UBAP2: variants seen among roughly 807,000 people sequenced by gnomAD.
UBAP2 encodes ubiquitin associated protein 2.
In UBAP2, 75 loss-of-function variants were observed where a neutral mutation model predicts 139.6. The observed-to-expected ratio is 0.54, with a 90% CI of 0.45 to 0.65. The LOEUF is 0.65. UBAP2 is among the 30% of genes least tolerant of loss of function. The probability of loss-of-function intolerance (pLI) is 0.00; values close to 1 mark genes in which losing one functional copy is unlikely to be tolerated. For missense variants in UBAP2, 1,368 were observed against 1,369.6 expected (o/e 1.00, Z 0.02); for synonymous variants, 526 against 526.2 (o/e 1.00, Z 0.01).
chr9:33,979,612 G>A (rs1412339501), intron 6 of UBAP2, among the ~76,000 whole-genome samples: 2 of 152,042 alleles, frequency 1.3e-5, no homozygotes, highest in African/African-American at 4.8e-5. Flanking sequence ...GCCAGGTGCG[G>A]TGGCTCATGC....
intron 4 of UBAP2, among the ~76,000 whole-genome samples, chr9:33,990,054 A>G (rs1440094648): frequency 3.6e-4 from 5 of 13,992 alleles, no homozygotes; most frequent in Non-Finnish European, 8.5e-4. Context: ...AATCTAATCT[A>G]CCATATATAT....
rs1276043907 is a variant in UBAP2 at position 33,922,060 on chromosome 9, A to G, written c.*444T>C. ...CAGAGGTATGAAGTAATTACACAGG[A>G]AAGAAAACAATTTCCAAAGGAGTGA... is the stretch of plus-strand genomic sequence containing the variant. On this transcript the variant is annotated 3_prime_UTR_variant, in exon 29 of 29. Coordinates refer to ENST00000379238, the MANE Select transcript of UBAP2 (RefSeq NM_001370062.2). 1 of 160,442 alleles carries G rather than the reference A, an allele frequency of 6.2e-6. No homozygotes were observed. Among genetic ancestry groups the G allele is most frequent in the African/African-American group, 2.4e-5 (1 of 41,628 alleles). The allele number at this position is 160,442 out of a possible 1,614,324, so 9.9% of individuals were successfully genotyped here. A position where few individuals can be genotyped will look rare whatever the true frequency, so the allele number is the denominator to read the frequency against.
At chr9:33,970,764 G>T (rs1300125370) in intron 8 of UBAP2, among the ~76,000 whole-genome samples, 2 of 151,778 alleles carry the variant, frequency 1.3e-5, no homozygotes, top group South Asian at 2.1e-4. Context: ...CTAAGTCTAG[G>T]TTATAATTCA....
At chr9:33,951,988 T>A (rs749554039) in intron 12 of UBAP2, among the ~76,000 whole-genome samples, 2 of 152,182 alleles carry the variant, frequency 1.3e-5, no homozygotes, top group African/African-American at 4.8e-5. Context: ...CACCACCTCA[T>A]ATACCAATGA....
At chr9:34,014,607 C>T (rs568891381) in intron 2 of UBAP2, among the ~76,000 whole-genome samples, 276 of 151,612 alleles carry the variant, frequency 1.8e-3, no homozygotes, top group African/African-American at 5.4e-3. Context: ...CCAGCCTGGG[C>T]GACAGAAGGA....
chr9:33,978,478 A>C (rs1193712246), intron 6 of UBAP2, among the ~76,000 whole-genome samples: 2 of 152,160 alleles, frequency 1.3e-5, no homozygotes, highest in Non-Finnish European at 1.5e-5. Context: ...TAGTTTTAAA[A>C]GTAGAGGAAC....
At chr9:33,966,387 T>TG (rs1827457888) in intron 8 of UBAP2, among the ~76,000 whole-genome samples, 1 of 151,710 alleles carries the variant, frequency 6.6e-6, no homozygotes, top group African/African-American at 2.4e-5. Flanking sequence ...ACCCAGGAGA[T>TG]GGAGGTTGCA....
At chr9:33,995,344 G>A (rs1488194247) in intron 4 of UBAP2, 1 of 9,774 alleles carries the variant, frequency 1.0e-4, no homozygotes, top group Non-Finnish European at 2.1e-3. Flanking sequence ...GTGGCAGAGT[G>A]AGGCTGTCTC....
intron 12 of UBAP2, 117 bp downstream of exon 12, chr9:33,953,168 C>T: frequency 1.9e-6 from 2 of 1,053,902 alleles, no homozygotes; most frequent in South Asian, 3.7e-5. Context: ...CATGCCCGGC[C>T]TTACTGTAGA....
At chr9:33,995,608 AAT>A (rs905904379) in intron 4 of UBAP2, 25 of 138,110 alleles carry the variant, frequency 1.8e-4, no homozygotes, top group African/African-American at 6.5e-4. Flanking sequence ...TTATTAAATA[AAT>A]ATATATTTAT....
In UBAP2 at chr9:33,922,839, G is replaced by A. The variant is rs748209060; in HGVS notation, c.3112C>T (p.Pro1038Ser). ...KQGFHAGTPP[P>S]FSLPSVLGST... is the part of the protein sequence containing the mutation. The stretch of plus-strand genomic sequence containing the variant: ...CCCAAGACCGAGGGCAGGCTGAAAG[G>A]TGGAGGCGTCCCTGCATGAAATCCC... The change falls in exon 28 of 29, where the codon CCT (proline) becomes TCT (serine). Residue 1038 changes from proline to serine, a missense_variant. By Grantham distance (74) the Pro-to-Ser change is moderately conservative. Coordinates refer to ENST00000379238, the MANE Select transcript of UBAP2 (RefSeq NM_001370062.2). 3.2e-6 allele frequency: 5 copies of A among 1,580,844 alleles called. No individual in the cohort carries two copies. The highest frequency in any genetic ancestry group is 2.7e-5 in the African/African-American group (2 of 74,238).
intron 19 of UBAP2, among the ~76,000 whole-genome samples, chr9:33,931,644 T>C (rs1823991472): frequency 6.6e-6 from 1 of 152,196 alleles, no homozygotes; most frequent in South Asian, 2.1e-4. Flanking sequence ...TGTGTAAGGT[T>C]TGACTTGGAA....
Position 33,935,822 on chromosome 9 carries a change from CTT to C in UBAP2, c.1969+15_1969+16del. 7 of 1,614,154 alleles carry C rather than the reference CTT, an allele frequency of 4.3e-6. No individual in the cohort carries two copies. Among genetic ancestry groups the C allele is most frequent in the Non-Finnish European group, 5.9e-6 (7 of 1,180,000 alleles). On this transcript the variant is annotated intron_variant, in intron 17 of 28. Coordinates refer to ENST00000379238, the MANE Select transcript of UBAP2 (RefSeq NM_001370062.2). ...TTGGCACCAGCCATGACAAGAGTAG[CTT>C]GCTGCTATACTTACTGTCTAGTGTC...
At chr9:33,928,470 C>T (rs545475402) in intron 19 of UBAP2, 1 of 154,492 alleles carries the variant, frequency 6.5e-6, no homozygotes, top group Non-Finnish European at 1.4e-5. Context: ...TATTGGGATT[C>T]TCAGCCACTG....
intron 1 of UBAP2, among the ~76,000 whole-genome samples, chr9:34,031,924 C>A (rs1056679346): frequency 6.6e-6 from 1 of 152,084 alleles, no homozygotes; most frequent in Admixed American, 6.6e-5. Context: ...ACTTCTTGAG[C>A]CCAGGAGTTT....
At chr9:34,025,773 C>T (rs1480032062) in intron 1 of UBAP2, among the ~76,000 whole-genome samples, 2 of 152,176 alleles carry the variant, frequency 1.3e-5, no homozygotes, top group Non-Finnish European at 2.9e-5. Flanking sequence ...GACATACGAT[C>T]TTCCCATATT....
chr9:34,020,711 G>A (rs972331843), intron 1 of UBAP2, among the ~76,000 whole-genome samples: 33 of 150,808 alleles, frequency 2.2e-4, no homozygotes, highest in Middle Eastern at 3.2e-3. Context: ...CCAAGCTGGA[G>A]TGCAGTGGCT....
At chr9:33,963,281 T>TA (rs1827210021) in intron 9 of UBAP2, among the ~76,000 whole-genome samples, 1 of 152,150 alleles carries the variant, frequency 6.6e-6, no homozygotes, top group Non-Finnish European at 1.5e-5. Flanking sequence ...ACACAGACTA[T>TA]AAAAAATTCC....
intron 4 of UBAP2, among the ~76,000 whole-genome samples, chr9:33,993,964 G>A (rs1169446717): frequency 3.4e-5 from 5 of 146,908 alleles, no homozygotes; most frequent in African/African-American, 1.3e-4. Context: ...CCGCGATCTC[G>A]GCTCACTACA....
Sources: allele counts gnomAD v4.1 joint callset (sites outside exome capture counted in the v4.1 genomes callset), GRCh38; gene constraint gnomAD v4.1.1; transcripts MANE v1.5; gene names NCBI Gene and HGNC (gene_info 2026-07-23, HGNC 2026-07-21).